The following IQCM variants were observed in gnomAD, a reference collection of about 807,000 sequenced individuals.
The protein encoded by IQCM is IQ domain-containing protein M.
In IQCM, 45 loss-of-function variants were observed where a neutral mutation model predicts 57.6. That is an observed-to-expected ratio of 0.78 (90% CI 0.62 to 1.00). The LOEUF is 1.00. Among genes scored for constraint, IQCM ranks in the 50% least tolerant of loss-of-function variants. The pLI is 0.00. For missense variants in IQCM, 468 were observed against 511.6 expected, an observed-to-expected ratio of 0.91 and a Z score of 0.82; for synonymous variants, 148 against 158.9, an observed-to-expected ratio of 0.93 and a Z score of 0.51.
intron 9 of IQCM, among the ~76,000 whole-genome samples, chr4:149,581,067 T>C (rs1469428590): frequency 6.6e-6 from 1 of 151,518 alleles, no homozygotes; most frequent in Non-Finnish European, 1.5e-5. Context: ...TAGAAGATGA[T>C]GTGTGCCATG....
rs143300058 is a variant in IQCM, at chr4:149,775,272, A to G, written c.-48-32533T>C. Among the ~76,000 whole-genome samples the G allele has an allele frequency of 5.2e-3, 789 of 152,166 alleles. 3 individuals are homozygous for G. Among genetic ancestry groups the G allele is most frequent in the Non-Finnish European group, 7.6e-3 (519 of 67,990 alleles). On this transcript the variant is annotated intron_variant, in intron 2 of 13. Transcript: ENST00000636793. ...TTGAATGTTGTTTCTCCAAAAGCAA[A>G]TGTCTCACAATATGACCCAGAATAC...
At chr4:149,417,410 G>A (rs1028698697) in intron 13 of IQCM, among the ~76,000 whole-genome samples, 4 of 152,016 alleles carry the variant, frequency 2.6e-5, no homozygotes, top group Non-Finnish European at 5.9e-5. Context: ...TACAGTTTAC[G>A]TGCCAGGAGG....
rs569262049 is a variant in IQCM, at chr4:149,470,683, A to T, written c.1229-37126T>A. On this transcript the variant is annotated intron_variant, in intron 12 of 13. Transcript: ENST00000636793. Reference sequence around the variant, plus strand: ...AACAGAATATACATTCTTCTCAGCAATACATCACACTTATTCCAAAATTGA... The same window carrying T: ...AACAGAATATACATTCTTCTCAGCATTACATCACACTTATTCCAAAATTGA... Among the ~76,000 whole-genome samples, 291 of 152,274 alleles carry T rather than the reference A, an allele frequency of 1.9e-3. 4 individuals are homozygous for T. Among genetic ancestry groups the T allele is most frequent in the African/African-American group, 6.7e-3 (280 of 41,550 alleles).
intron 7 of IQCM, among the ~76,000 whole-genome samples, chr4:149,632,521 G>C (rs1157858999): frequency 6.6e-6 from 1 of 151,984 alleles, no homozygotes; most frequent in Admixed American, 6.6e-5. Flanking sequence ...CTTGTCAGAA[G>C]ATTGAAGGTC....
chr4:149,653,221 G>A (rs1347087991), intron 7 of IQCM, among the ~76,000 whole-genome samples: 1 of 152,068 alleles, frequency 6.6e-6, no homozygotes, highest in African/African-American at 2.4e-5. Context: ...CCTGGGAGAT[G>A]GAGAAGATGG....
chr4:149,755,871 G>A (rs1168161124), intron 2 of IQCM, among the ~76,000 whole-genome samples: 4 of 151,980 alleles, frequency 2.6e-5, no homozygotes, highest in Non-Finnish European at 4.4e-5. Context: ...CTAAATACCC[G>A]CCATGCAATC....
At chr4:149,788,086 C>T (rs1327191736) in intron 2 of IQCM, among the ~76,000 whole-genome samples, 2 of 152,232 alleles carry the variant, frequency 1.3e-5, no homozygotes, top group Admixed American at 1.3e-4. Context: ...GTAATTCCAA[C>T]ACTTTGGGAG....
At chr4:149,382,184 T>C (rs1055105434) in intron 13 of IQCM, among the ~76,000 whole-genome samples, 2 of 152,170 alleles carry the variant, frequency 1.3e-5, no homozygotes, top group Non-Finnish European at 2.9e-5. Flanking sequence ...CTGTTTCCCA[T>C]GTTTCTAGAA....
intron 12 of IQCM, among the ~76,000 whole-genome samples, chr4:149,465,015 A>G (rs1738697141): frequency 6.6e-6 from 1 of 152,126 alleles, no homozygotes; most frequent in South Asian, 2.1e-4. Flanking sequence ...GCATATTATT[A>G]TTTTACTTCT....
At chr4:149,483,405 T>C (rs578059470) in intron 12 of IQCM, among the ~76,000 whole-genome samples, 1 of 151,978 alleles carries the variant, frequency 6.6e-6, no homozygotes, top group South Asian at 2.1e-4. Context: ...CAGGTTCTTA[T>C]AGCTATAAAT....
chr4:149,372,019 T>G (rs1730402419), intron 13 of IQCM, among the ~76,000 whole-genome samples: 1 of 152,200 alleles, frequency 6.6e-6, no homozygotes, highest in African/African-American at 2.4e-5. Context: ...ATTTGATTCT[T>G]CCAACAACTT....
At chr4:149,515,294 T>C (rs1411506002) in intron 12 of IQCM, among the ~76,000 whole-genome samples, 1 of 152,126 alleles carries the variant, frequency 6.6e-6, no homozygotes, top group Admixed American at 6.5e-5. Flanking sequence ...TTGCCCATCA[T>C]GAACTGGGTG....
chr4:149,545,047 CA>C (rs75209372), intron 12 of IQCM, among the ~76,000 whole-genome samples: 3,610 of 151,832 alleles, frequency 0.024, 104 homozygotes, highest in South Asian at 0.15. Context: ...AACAAACAAA[CA>C]AAAAACAGTT....
At chr4:149,644,392 C>T (rs1431654555) in intron 7 of IQCM, among the ~76,000 whole-genome samples, 2 of 152,272 alleles carry the variant, frequency 1.3e-5, no homozygotes, top group Non-Finnish European at 2.9e-5. Flanking sequence ...TGGTGTTAAA[C>T]TATAAATCTT....
intron 5 of IQCM, among the ~76,000 whole-genome samples, chr4:149,689,379 GA>G (rs1762781690): frequency 6.6e-6 from 1 of 151,892 alleles, no homozygotes; most frequent in Non-Finnish European, 1.5e-5. Context: ...TGGACACAGA[GA>G]GGGGAACATC....
chr4:149,603,182 A>G (rs1754470808), intron 8 of IQCM, among the ~76,000 whole-genome samples: 1 of 152,132 alleles, frequency 6.6e-6, no homozygotes, highest in Admixed American at 6.5e-5. Flanking sequence ...AAGTATTGTT[A>G]TAGTAATTAT....
intron 5 of IQCM, among the ~76,000 whole-genome samples, chr4:149,730,442 T>C (rs1766352658): frequency 6.6e-6 from 1 of 152,200 alleles, no homozygotes; most frequent in African/African-American, 2.4e-5. Flanking sequence ...ATTTAAATTG[T>C]TCTCATAACT....
chr4:149,427,834 G>A (rs1734566716), intron 13 of IQCM, among the ~76,000 whole-genome samples: 1 of 151,864 alleles, frequency 6.6e-6, no homozygotes, highest in Non-Finnish European at 1.5e-5. Context: ...TGACATTGGA[G>A]GCTGATGGCA....
chr4:149,507,222 G>C (rs911303681), intron 12 of IQCM, among the ~76,000 whole-genome samples: 1 of 152,202 alleles, frequency 6.6e-6, no homozygotes, highest in African/African-American at 2.4e-5. Context: ...TATCAGCAAT[G>C]TGAAAACAGA....
Sources: allele counts gnomAD v4.1 joint callset (sites outside exome capture counted in the v4.1 genomes callset), GRCh38; gene constraint gnomAD v4.1.1; transcripts MANE v1.5; gene names NCBI Gene and HGNC (gene_info 2026-07-23, HGNC 2026-07-21).